The following PDE1A variants were observed in gnomAD, a reference collection of about 807,000 sequenced individuals.
PDE1A encodes the protein dual specificity calcium/calmodulin-dependent 3',5'-cyclic nucleotide phosphodiesterase 1A.
PDE1A carries 35 observed loss-of-function variants against 61.7 expected under a neutral mutation model. That is an observed-to-expected ratio of 0.57 (90% confidence interval 0.43 to 0.75). The LOEUF is 0.75. Among genes scored for constraint, PDE1A ranks in the 30% least tolerant of loss-of-function variants. The pLI, the probability that PDE1A is intolerant of heterozygous loss-of-function variation, is 0.00. For synonymous variants in PDE1A, 232 were observed against 213.2 expected, an observed-to-expected ratio of 1.09 and a Z score of -0.77; for missense variants, 597 against 630.6, an observed-to-expected ratio of 0.95 and a Z score of 0.57.
intron 13 of PDE1A, 142 bp downstream of exon 13, chr2:182,185,750 G>T (rs755956730): frequency 1.4e-6 from 2 of 1,462,438 alleles, no homozygotes; most frequent in Non-Finnish European, 1.8e-6. Context: ...TCTCATGAAT[G>T]ATCAAAGAGT....
intron 1 of PDE1A, among the ~76,000 whole-genome samples, chr2:182,276,699 C>T (rs1011363845): frequency 6.6e-6 from 1 of 152,008 alleles, no homozygotes; most frequent in Non-Finnish European, 1.5e-5. Context: ...GGCCACAATA[C>T]AGCCATATTT....
chr2:182,386,283 G>A (rs923562663), intron 1 of PDE1A, among the ~76,000 whole-genome samples: 1 of 152,064 alleles, frequency 6.6e-6, no homozygotes, highest in Non-Finnish European at 1.5e-5. Flanking sequence ...TGGGAAGTGA[G>A]GAGCGTCTCT....
chr2:182,332,522 T>C (rs1191863442), intron 1 of PDE1A, among the ~76,000 whole-genome samples: 1 of 152,212 alleles, frequency 6.6e-6, no homozygotes, highest in Non-Finnish European at 1.5e-5. Flanking sequence ...GTTTGTGACC[T>C]TCGCATGGGG....
the PDE1A span, among the ~76,000 whole-genome samples, chr2:182,614,683 G>A: frequency 4.3e-4 from 64 of 150,490 alleles, no homozygotes; most frequent in African/African-American, 1.5e-3. Context: ...TCAGCCTCCC[G>A]AGTAGCTGAG....
rs78879279 is a variant in PDE1A at position 182,168,051 on chromosome 2, T to C, written c.*196A>G. On this transcript the variant is annotated 3_prime_UTR_variant, in exon 14 of 14. Coordinates refer to ENST00000351439, the Ensembl canonical transcript of PDE1A. ...GTAGCCACTAGATGAATCTGTTCGG[T>C]AGCAGTTGAGCCCGGTGAATTAAGG... 8,547 of 1,279,596 alleles carry C rather than the reference T, an allele frequency of 6.7e-3. 414 individuals carry two copies. In the African/African-American group the frequency reaches 0.11, roughly 17 times the overall value. The allele number at this position is 1,279,596 out of a possible 1,614,324, so 79.3% of individuals were successfully genotyped here. A position where few individuals can be genotyped will look rare whatever the true frequency, so the allele number is the denominator to read the frequency against.
At chr2:182,561,997 T>C in the PDE1A span, among the ~76,000 whole-genome samples, 1 of 151,842 alleles carries the variant, frequency 6.6e-6, no homozygotes, top group Non-Finnish European at 1.5e-5. Flanking sequence ...TCATGTCGTC[T>C]GCAAACAGGG....
chr2:182,184,760 T>G lies in PDE1A; in HGVS notation c.1516+1132A>C, dbSNP rs569234239. Among the ~76,000 whole-genome samples the G allele has an allele frequency of 3.3e-5, 5 of 152,304 alleles. No homozygotes were observed. The South Asian group carries it at 8.3e-4, about 25-fold the overall frequency. ...TGCTATTTTTGGCTCTCTGGTCTATTCCCAAGGCCCATCTTATTATCTCTA... is the reference window on the plus strand; with the variant it reads ...TGCTATTTTTGGCTCTCTGGTCTATGCCCAAGGCCCATCTTATTATCTCTA... On this transcript the variant is annotated intron_variant, in intron 13 of 13. Coordinates refer to ENST00000351439, the Ensembl canonical transcript of PDE1A.
chr2:182,211,682 A>G (rs1237268876), intron 7 of PDE1A, among the ~76,000 whole-genome samples: 1 of 152,188 alleles, frequency 6.6e-6, no homozygotes, highest in Non-Finnish European at 1.5e-5. Context: ...ATTTCATCAA[A>G]GTTTTACAGT....
At chr2:182,424,672 T>C (rs763379755) in intron 1 of PDE1A, among the ~76,000 whole-genome samples, 112 of 152,220 alleles carry the variant, frequency 7.4e-4, no homozygotes, top group Non-Finnish European at 6.8e-4. Context: ...GTCTGTGTTA[T>C]GGAAATCAGC....
chr2:182,181,229 C>T (rs1481401347), intron 13 of PDE1A, among the ~76,000 whole-genome samples: 1 of 152,154 alleles, frequency 6.6e-6, no homozygotes, highest in Non-Finnish European at 1.5e-5. Context: ...ATGGATTTAT[C>T]TACCTTTGAT....
intron 2 of PDE1A, among the ~76,000 whole-genome samples, chr2:182,469,807 G>A (rs1472326170): frequency 1.3e-5 from 2 of 151,826 alleles, no homozygotes; most frequent in Non-Finnish European, 2.9e-5. Flanking sequence ...AGAGGTCATT[G>A]AAAGGTTACT....
the PDE1A span, among the ~76,000 whole-genome samples, chr2:182,639,718 G>T: frequency 6.6e-6 from 1 of 151,726 alleles, no homozygotes; most frequent in Non-Finnish European, 1.5e-5. Context: ...TTAAAAGAAT[G>T]AGAAAATATT....
chr2:182,691,862 G>A, the PDE1A span, among the ~76,000 whole-genome samples: 15 of 151,868 alleles, frequency 9.9e-5, no homozygotes, highest in South Asian at 1.7e-3. Flanking sequence ...AAAAGTGGGC[G>A]AAGGATATGA....
At chr2:182,217,808 T>C (rs1438770951) in intron 7 of PDE1A, among the ~76,000 whole-genome samples, 8 of 151,234 alleles carry the variant, frequency 5.3e-5, no homozygotes, top group Non-Finnish European at 1.2e-4. Context: ...GGAACACTTT[T>C]ACACTGTTGG....
intron 7 of PDE1A, among the ~76,000 whole-genome samples, chr2:182,206,323 A>G (rs1298662908): frequency 6.6e-6 from 1 of 152,166 alleles, no homozygotes; most frequent in African/African-American, 2.4e-5. Flanking sequence ...CTTCTACCAC[A>G]CATGCGTAAC....
At chr2:182,700,721 C>CAAAAA in the PDE1A span, among the ~76,000 whole-genome samples, 3,463 of 23,898 alleles carry the variant, frequency 0.14, 643 homozygotes, top group African/African-American at 0.23. Flanking sequence ...GACTCCATCT[C>CAAAAA]AAAAAAAAAA....
At chr2:182,240,287 A>G in exon 3 of PDE1A, 5 of 1,553,866 alleles carry the variant, frequency 3.2e-6, no homozygotes, top group Non-Finnish European at 3.5e-6. Flanking sequence ...AGTATCCAGA[A>G]GTCTTCTACA....
downstream of PDE1A, among the ~76,000 whole-genome samples, chr2:182,164,961 G>GA (rs927361075): frequency 1.3e-5 from 2 of 151,792 alleles, no homozygotes; most frequent in African/African-American, 2.4e-5. Context: ...ACTTCACAGG[G>GA]AAAAAGTGCA....
At chr2:182,314,285 C>T (rs1296510022) in intron 1 of PDE1A, 1 of 152,044 alleles carries the variant, frequency 6.6e-6, no homozygotes, top group Non-Finnish European at 1.5e-5. Context: ...AAACCAGAAG[C>T]CTAGTAAAGT....
Sources: gnomAD v4.1 joint callset for allele counts (sites outside exome capture counted in the v4.1 genomes callset) on GRCh38, gnomAD v4.1.1 for gene constraint, MANE v1.5 for transcripts, NCBI Gene and HGNC (gene_info 2026-07-23, HGNC 2026-07-21) for gene names.